Variants in LGR4 observed in about 807,000 individuals in gnomAD.
The protein encoded by LGR4 is leucine-rich repeat-containing G protein-coupled receptor 4.
A neutral mutation model predicts 84.8 loss-of-function variants in LGR4; 44 were observed. The ratio of observed to expected loss-of-function variants is 0.52; its 90% confidence interval spans 0.41 to 0.67. LGR4 has a LOEUF of 0.67. LGR4 is among the 30% of genes least tolerant of loss of function. The pLI is 0.00. For missense variants in LGR4, 1,032 were observed against 1,131.4 expected, an observed-to-expected ratio of 0.91 and a Z score of 1.26; for synonymous variants, 429 against 434.3, an observed-to-expected ratio of 0.99 and a Z score of 0.15.
chr11:27,369,054 G>C lies in LGR4; in HGVS notation c.1669C>G (p.Leu557Val). Residue 557 changes from leucine (L) to valine (V), a missense_variant, in exon 18 of 18, where the codon CTG becomes GTG. By Grantham distance (32) the Leu-to-Val change is conservative. Transcript: ENST00000379214. The part of the protein sequence containing the change: ...FIFLVALFFN[L>V]LVILTTFASC... ...GCAAATGTTGTTAAAATAACAAGCA[G>C]GTTGAAAAATAATGCAACCAAGAAA... The C allele has an allele frequency of 6.2e-7, 1 of 1,613,862 alleles. No individual in the cohort carries two copies. Among genetic ancestry groups the C allele is most frequent in the Non-Finnish European group, 8.5e-7 (1 of 1,179,894 alleles).
At chr11:27,398,692 G>A (rs1863437672) in intron 2 of LGR4, among the ~76,000 whole-genome samples, 1 of 152,156 alleles carries the variant, frequency 6.6e-6, no homozygotes, top group African/African-American at 2.4e-5. Flanking sequence ...CTTATGGAGA[G>A]GTTGAAGACT....
At position 27,374,040 on chromosome 11, in the gene LGR4, C is replaced by T. The variant is rs149138714; in HGVS notation, c.1188G>A (p.Leu396=). The stretch of plus-strand genomic sequence containing the variant: ...GAATTTCATGTATCAGGTTTCTACT[C>T]AGATCTCTGCAATTATAAGAGTAAC... ...QGLISLRILD[L]SRNLIHEIHS... is the part of the protein sequence containing the mutation. The change falls in exon 14 of 18, where the codon CTG becomes CTA. Residue 396 remains leucine, a synonymous_variant. Transcript: ENST00000379214. The T allele has an allele frequency of 1.9e-6, 3 of 1,606,272 alleles. No homozygotes were observed. The highest frequency in any genetic ancestry group is 2.2e-5 in the South Asian group (2 of 90,918).
chr11:27,407,870 G>A (rs898211791), intron 2 of LGR4, among the ~76,000 whole-genome samples: 9 of 151,844 alleles, frequency 5.9e-5, no homozygotes, highest in African/African-American at 1.9e-4. Flanking sequence ...ACTCTCAAAT[G>A]GTTCAGAAAA....
At chr11:27,465,323 C>A (rs986139697) in intron 1 of LGR4, among the ~76,000 whole-genome samples, 1 of 152,146 alleles carries the variant, frequency 6.6e-6, no homozygotes, top group Non-Finnish European at 1.5e-5. Context: ...CATTGCTGAA[C>A]CCAGATGCAT....
At chr11:27,409,711 T>C (rs1863674813) in intron 2 of LGR4, among the ~76,000 whole-genome samples, 1 of 152,148 alleles carries the variant, frequency 6.6e-6, no homozygotes, top group South Asian at 2.1e-4. Flanking sequence ...GACACAACTT[T>C]ATGCGTCCTA....
Position 27,368,571 on chromosome 11 carries a change from A to G in LGR4, c.2152T>C (p.Phe718Leu). The change falls in exon 18 of 18, where the codon TTT (phenylalanine) becomes CTT (leucine). Residue 718 changes from phenylalanine (F) to leucine (L), a missense_variant. By Grantham distance (22) the Phe-to-Leu change is conservative. Transcript: ENST00000379214. The part of the protein sequence containing the change: ...VTLVLLNSLA[F>L]LLMAVIYTKL... ...GTGTAGATAACGGCCATTAATAAAA[A>G]TGCTAGTGAGTTTAATAGCACTAAC... 6.2e-7 allele frequency: 1 copy of G among 1,608,056 alleles called. No individual in the cohort carries two copies. The highest frequency in any genetic ancestry group is 8.5e-7 in the Non-Finnish European group (1 of 1,177,276).
intron 1 of LGR4, among the ~76,000 whole-genome samples, chr11:27,450,246 A>T (rs1299591893): frequency 2.0e-5 from 3 of 152,232 alleles, no homozygotes; most frequent in Non-Finnish European, 2.9e-5. Context: ...TACCAAAAAA[A>T]TTTAAAAAGC....
At position 27,376,331 on chromosome 11, in the gene LGR4, G is replaced by C. The variant is rs1414669978; in HGVS notation, c.1149C>G (p.Gly383=). 6.3e-7 allele frequency: 1 copy of C among 1,581,364 alleles called. No individual in the cohort carries two copies. Among genetic ancestry groups the C allele is most frequent in the Non-Finnish European group, 8.7e-7 (1 of 1,155,788 alleles). Reference sequence around the variant, plus strand: ...TTAGAGATATCAGGCCTTGAAAGGTGCCTTCCTTTATTTGGTAGATTTGAT... The same window carrying C: ...TTAGAGATATCAGGCCTTGAAAGGTCCCTTCCTTTATTTGGTAGATTTGAT... ...QRNQIYQIKE[G]TFQGLISLRI... Residue 383 remains glycine, a synonymous_variant, in exon 13 of 18, where the codon GGC becomes GGG. Transcript: ENST00000379214.
chr11:27,431,779 C>A (rs906448639), intron 1 of LGR4, among the ~76,000 whole-genome samples: 1 of 152,194 alleles, frequency 6.6e-6, no homozygotes, highest in Non-Finnish European at 1.5e-5. Context: ...TTATTTCAGT[C>A]TCAGGCAGTA....
At chr11:27,467,307 C>T (rs1395732441) in intron 1 of LGR4, among the ~76,000 whole-genome samples, 1 of 152,012 alleles carries the variant, frequency 6.6e-6, no homozygotes, top group African/African-American at 2.4e-5. Flanking sequence ...ATGGCTTGTA[C>T]CTGTAATCCC....
chr11:27,406,553 G>A (rs896591646), intron 2 of LGR4, among the ~76,000 whole-genome samples: 6 of 152,022 alleles, frequency 3.9e-5, no homozygotes, highest in Non-Finnish European at 7.4e-5. Flanking sequence ...GGGCCTATAC[G>A]GCATATTAGC....
chr11:27,458,229 G>T (rs989296732), intron 1 of LGR4, among the ~76,000 whole-genome samples: 15 of 152,146 alleles, frequency 9.9e-5, no homozygotes, highest in Non-Finnish European at 2.2e-4. Flanking sequence ...AGACGCAAAA[G>T]GTTACATTGT....
chr11:27,442,285 A>G (rs10835180), intron 1 of LGR4, among the ~76,000 whole-genome samples: 62,514 of 152,012 alleles, frequency 0.41, 15,031 homozygotes, highest in South Asian at 0.56. Flanking sequence ...AGGTCTACAA[A>G]TAGAACTACT....
At chr11:27,452,447 A>G (rs1864495816) in intron 1 of LGR4, among the ~76,000 whole-genome samples, 2 of 152,040 alleles carry the variant, frequency 1.3e-5, no homozygotes, top group Non-Finnish European at 2.9e-5. Flanking sequence ...TCATGTAACT[A>G]CCACTACAAT....
intron 1 of LGR4, among the ~76,000 whole-genome samples, chr11:27,441,336 G>C (rs1429813375): frequency 6.6e-6 from 1 of 152,124 alleles, no homozygotes; most frequent in African/African-American, 2.4e-5. Flanking sequence ...GCCTCTACTA[G>C]TTAACTACCT....
chr11:27,374,710 A>C (rs555836775), intron 13 of LGR4, among the ~76,000 whole-genome samples: 1 of 152,328 alleles, frequency 6.6e-6, no homozygotes, highest in East Asian at 1.9e-4. Flanking sequence ...GATAACAAGG[A>C]AACTCAACAC....
At chr11:27,404,937 C>A (rs1332409491) in intron 2 of LGR4, among the ~76,000 whole-genome samples, 1 of 152,096 alleles carries the variant, frequency 6.6e-6, no homozygotes, top group African/African-American at 2.4e-5. Flanking sequence ...ACATATGAAG[C>A]CAACTCCACT....
intron 1 of LGR4, among the ~76,000 whole-genome samples, chr11:27,446,423 C>G (rs1864391460): frequency 6.6e-6 from 1 of 152,140 alleles, no homozygotes; most frequent in South Asian, 2.1e-4. Context: ...AGCCAAAAGA[C>G]ACATGAAAAA....
intron 6 of LGR4, among the ~76,000 whole-genome samples, 178 bp from the exon 7 acceptor site, chr11:27,382,434 AC>A (rs5790650): frequency 0.22 from 33,559 of 151,922 alleles, 4,610 homozygotes; most frequent in Non-Finnish European, 0.31. Flanking sequence ...ACCTTTTCTT[AC>A]AATAATGAAT....
Sources: gnomAD v4.1 joint callset for allele counts (sites outside exome capture counted in the v4.1 genomes callset) on GRCh38, gnomAD v4.1.1 for gene constraint, MANE v1.5 for transcripts, NCBI Gene and HGNC (gene_info 2026-07-23, HGNC 2026-07-21) for gene names.